The following PHKB variants were observed in gnomAD, a reference collection of about 807,000 sequenced individuals.
PHKB encodes phosphorylase kinase regulatory subunit beta.
PHKB carries 122 observed loss-of-function variants against 152.1 expected under a neutral mutation model. The ratio of observed to expected loss-of-function variants is 0.80; its 90% CI spans 0.69 to 0.93. The LOEUF (loss-of-function observed/expected upper bound fraction) is 0.93, where lower values mean the gene tolerates loss of function less well. PHKB is among the 40% of genes least tolerant of loss of function. The pLI, the probability that PHKB is intolerant of heterozygous loss-of-function variation, is 0.00. For missense variants in PHKB, 1,304 were observed against 1,328.4 expected (o/e 0.98, Z 0.29); for synonymous variants, 436 against 464.9 (o/e 0.94, Z 0.80).
intron 1 of PHKB, among the ~76,000 whole-genome samples, chr16:47,464,594 G>A (rs1481618209): frequency 2.0e-5 from 3 of 152,088 alleles, no homozygotes; most frequent in East Asian, 1.9e-4. Flanking sequence ...CTCTTCAGAC[G>A]TGTGCACAGG....
At chr16:47,512,148 G>T (rs556633342) in intron 5 of PHKB, among the ~76,000 whole-genome samples, 1 of 152,264 alleles carries the variant, frequency 6.6e-6, no homozygotes, top group Non-Finnish European at 1.5e-5. Flanking sequence ...GCCCAGGGGT[G>T]GGGGAGCCCT....
intron 16 of PHKB, 26 bp from the exon 17 acceptor site, chr16:47,648,507 C>G: frequency 2.7e-6 from 4 of 1,491,850 alleles, no homozygotes; most frequent in Non-Finnish European, 3.7e-6. Flanking sequence ...TTACCTGACT[C>G]TAATTTACAA....
chr16:47,605,678 T>C (rs905572308), intron 13 of PHKB, among the ~76,000 whole-genome samples: 1 of 152,232 alleles, frequency 6.6e-6, no homozygotes, highest in African/African-American at 2.4e-5. Flanking sequence ...TATGTCGATA[T>C]CTGCTTTCAT....
chr16:47,642,374 C>T (rs540600095), intron 16 of PHKB, among the ~76,000 whole-genome samples: 24 of 152,312 alleles, frequency 1.6e-4, no homozygotes, highest in African/African-American at 5.5e-4. Flanking sequence ...TTTGCACGCA[C>T]TGCTCTGCAG....
chr16:47,495,473 A>G (rs899107831), intron 1 of PHKB, among the ~76,000 whole-genome samples: 1 of 152,134 alleles, frequency 6.6e-6, no homozygotes, highest in Admixed American at 6.5e-5. Flanking sequence ...TACTACCTCT[A>G]CTAATAGAGA....
intron 14 of PHKB, among the ~76,000 whole-genome samples, chr16:47,617,992 G>A (rs1468339217): frequency 6.6e-6 from 1 of 152,224 alleles, no homozygotes; most frequent in Non-Finnish European, 1.5e-5. Flanking sequence ...ACATGGGGCT[G>A]GCCACTGTGG....
chr16:47,497,373 T>C, intron 1 of PHKB, 26 bp from the exon 2 acceptor site: 3 of 1,380,850 alleles, frequency 2.2e-6, no homozygotes, highest in Non-Finnish European at 3.1e-6. Context: ...TGACTGAATT[T>C]GATGGGTTTT....
At chr16:47,503,514 G>A (rs1970358674) in intron 4 of PHKB, among the ~76,000 whole-genome samples, 1 of 152,232 alleles carries the variant, frequency 6.6e-6, no homozygotes, top group African/African-American at 2.4e-5. Flanking sequence ...CATACAAAAA[G>A]GCTAGGAATT....
At chr16:47,495,884 A>T (rs995543105) in intron 1 of PHKB, among the ~76,000 whole-genome samples, 6 of 152,186 alleles carry the variant, frequency 3.9e-5, no homozygotes, top group African/African-American at 1.4e-4. Context: ...ATACTCTTGT[A>T]AGAAAATCTT....
In PHKB at chr16:47,660,750, A is replaced by G; in HGVS notation, c.2127A>G (p.Gly709=). Residue 709 remains glycine (G), a synonymous_variant, in exon 22 of 31, where the codon GGA becomes GGG. Coordinates refer to ENST00000323584, the MANE Select transcript of PHKB (RefSeq NM_000293.3). ...QSSTPSAPEL[G]QQPDVNISEW... Reference sequence around the variant, plus strand: ...GCACCCCTAGTGCTCCTGAACTGGGACAGCAGCCGGATGTCAACATTAGTG... The same window carrying G: ...GCACCCCTAGTGCTCCTGAACTGGGGCAGCAGCCGGATGTCAACATTAGTG... 1 of 1,614,106 alleles carries G rather than the reference A, an allele frequency of 6.2e-7. No homozygotes were observed.
chr16:47,565,658 C>T (rs1451067827), intron 7 of PHKB: 14 of 1,225,638 alleles, frequency 1.1e-5, no homozygotes, highest in Non-Finnish European at 1.6e-5. Context: ...TTCCTGTCCT[C>T]GACCATCCCT....
chr16:47,650,271 AG>A (rs1203705615), intron 18 of PHKB, among the ~76,000 whole-genome samples: 1 of 152,164 alleles, frequency 6.6e-6, no homozygotes, highest in African/African-American at 2.4e-5. Flanking sequence ...TTTAAAAAAA[AG>A]AGGGGGAAAA....
chr16:47,475,685 T>C (rs1969856245), intron 1 of PHKB, among the ~76,000 whole-genome samples: 1 of 152,162 alleles, frequency 6.6e-6, no homozygotes, highest in Non-Finnish European at 1.5e-5. Flanking sequence ...TGCTTCCAAA[T>C]AACATTTAAA....
intron 1 of PHKB, among the ~76,000 whole-genome samples, chr16:47,464,473 C>A (rs1333690673): frequency 6.6e-6 from 1 of 152,162 alleles, no homozygotes; most frequent in East Asian, 1.9e-4. Flanking sequence ...GTGCTTTGGC[C>A]TTTATCCTGT....
chr16:47,650,966 A>G (rs1461997342), intron 20 of PHKB, 45 bp downstream of exon 20: 2 of 1,261,554 alleles, frequency 1.6e-6, no homozygotes, highest in African/African-American at 2.9e-5. Context: ...AGGACAGTTA[A>G]TCTACAATAC....
chr16:47,591,823 A>G (rs1972033956), intron 10 of PHKB, among the ~76,000 whole-genome samples: 3 of 152,090 alleles, frequency 2.0e-5, no homozygotes, highest in Admixed American at 2.0e-4. Flanking sequence ...GAGTCATTCT[A>G]GGCACTTCCT....
intron 7 of PHKB, among the ~76,000 whole-genome samples, chr16:47,563,103 A>G (rs1268617417): frequency 6.6e-6 from 1 of 151,348 alleles, no homozygotes; most frequent in Non-Finnish European, 1.5e-5. Context: ...ACATCTGCTC[A>G]CTCTTCTTCC....
At chr16:47,531,172 A>G (rs1339799310) in intron 6 of PHKB, among the ~76,000 whole-genome samples, 3 of 152,320 alleles carry the variant, frequency 2.0e-5, no homozygotes, top group South Asian at 2.1e-4. Flanking sequence ...ACATACGTAT[A>G]TGGAGTTAGA....
chr16:47,464,064 C>T (rs1003409238), intron 1 of PHKB: 1 of 968,092 alleles, frequency 1.0e-6, no homozygotes, highest in Admixed American at 1.7e-5. Flanking sequence ...GTTGATTTCA[C>T]TATAAGATAT....
Sources: allele counts gnomAD v4.1 joint callset (sites outside exome capture counted in the v4.1 genomes callset), GRCh38; gene constraint gnomAD v4.1.1; transcripts MANE v1.5; gene names NCBI Gene and HGNC (gene_info 2026-07-23, HGNC 2026-07-21).